The following UNC5C variants were observed in gnomAD, a reference collection of about 807,000 sequenced individuals.
UNC5C encodes netrin receptor UNC5C.
A neutral mutation model predicts 99.8 loss-of-function variants in UNC5C; 47 were observed. The ratio of observed to expected loss-of-function variants is 0.47; its 90% CI spans 0.37 to 0.60. The LOEUF (loss-of-function observed/expected upper bound fraction) is 0.60, where lower values mean the gene tolerates loss of function less well. Ranked by LOEUF, UNC5C falls within the 20% of genes least tolerant of loss-of-function variation. The pLI, the probability that UNC5C is intolerant of heterozygous loss-of-function variation, is 0.00. For synonymous variants in UNC5C, 487 were observed against 452.2 expected, an observed-to-expected ratio of 1.08 and a Z score of -0.98; for missense variants, 1,062 against 1,165.9, an observed-to-expected ratio of 0.91 and a Z score of 1.30.
At chr4:95,324,336 T>C (rs1035394754) in intron 2 of UNC5C, among the ~76,000 whole-genome samples, 5 of 152,196 alleles carry the variant, frequency 3.3e-5, no homozygotes, top group Non-Finnish European at 7.3e-5. Context: ...TGTCACTGTC[T>C]CCTATCACCC....
chr4:95,441,630 T>C (rs1746953374), intron 1 of UNC5C, among the ~76,000 whole-genome samples: 4 of 152,198 alleles, frequency 2.6e-5, no homozygotes, highest in Admixed American at 2.6e-4. Context: ...CACTGTTCTG[T>C]ATATGAATAT....
chr4:95,278,357 G>T lies in UNC5C; in HGVS notation c.496C>A (p.Arg166=), dbSNP rs762175329. 2 of 1,612,968 alleles carry T rather than the reference G, an allele frequency of 1.2e-6. No homozygotes were observed. Among genetic ancestry groups the T allele is most frequent in the African/African-American group, 1.3e-5 (1 of 74,864 alleles). The change falls in exon 4 of 16, where the codon CGG becomes AGG. Residue 166 remains arginine, a synonymous_variant. Transcript: ENST00000453304. The part of the protein sequence containing the change: ...RKAYVRIAYL[R]KTFEQEPLGK... ...AGGGGTTCCTGCTCAAATGTCTTCC[G>T]TAGATCTGGAACGTAAAAGTGACAA... is the stretch of plus-strand genomic sequence containing the variant.
intron 1 of UNC5C, among the ~76,000 whole-genome samples, chr4:95,387,812 C>A (rs1169302867): frequency 2.0e-5 from 3 of 152,002 alleles, no homozygotes; most frequent in Non-Finnish European, 4.4e-5. Flanking sequence ...CTTGTAATAA[C>A]CTGATTATTT....
chr4:95,339,253 C>T (rs1743465119), intron 1 of UNC5C, among the ~76,000 whole-genome samples: 1 of 151,978 alleles, frequency 6.6e-6, no homozygotes, highest in Non-Finnish European at 1.5e-5. Context: ...GTGTCTGTGG[C>T]CTTCCTTTGG....
chr4:95,457,414 A>G (rs1747470864), intron 1 of UNC5C, among the ~76,000 whole-genome samples: 1 of 152,094 alleles, frequency 6.6e-6, no homozygotes, highest in African/African-American at 2.4e-5. Context: ...CCATCTGCCA[A>G]ATTTTGCTTT....
At chr4:95,536,759 G>T (rs1265475151) in intron 1 of UNC5C, among the ~76,000 whole-genome samples, 1 of 152,158 alleles carries the variant, frequency 6.6e-6, no homozygotes, top group African/African-American at 2.4e-5. Flanking sequence ...AAAGCCCATG[G>T]CTTGAACTGA....
intron 5 of UNC5C, among the ~76,000 whole-genome samples, chr4:95,249,947 A>G (rs1739632834): frequency 1.3e-5 from 2 of 152,174 alleles, no homozygotes; most frequent in Admixed American, 1.3e-4. Flanking sequence ...GTTTGCAATG[A>G]TAAGACTGAG....
At chr4:95,529,827 C>T (rs1722597294) in intron 1 of UNC5C, among the ~76,000 whole-genome samples, 2 of 152,118 alleles carry the variant, frequency 1.3e-5, no homozygotes. Flanking sequence ...TGCCTAATGT[C>T]AGGCTTAGTT....
chr4:95,176,850 G>A lies in UNC5C; in HGVS notation c.2451+6047C>T, dbSNP rs945264543. 8.3e-4 allele frequency among the ~76,000 whole-genome samples: 126 copies of A among 152,326 alleles called. 1 individual carries two copies. The South Asian group carries it at 8.3e-3, about 10-fold the overall frequency. On this transcript the variant is annotated intron_variant, in intron 14 of 15. Coordinates refer to ENST00000453304, the MANE Select transcript of UNC5C (RefSeq NM_003728.4). Reference sequence around the variant, plus strand: ...GGGCCCCTCCCCCAGCCTCGCTGCCGCCTTGCAGTTTGATCTCAGACTGCT... The same window carrying A: ...GGGCCCCTCCCCCAGCCTCGCTGCCACCTTGCAGTTTGATCTCAGACTGCT...
In UNC5C at chr4:95,169,181, G is replaced by A; in HGVS notation, c.*53C>T. Reference sequence around the variant, plus strand: ...TCCTCAGCTGTGATTCACCTGGACGGCCACAGACTCCCTGTGCATTTTTGT... The same window carrying A: ...TCCTCAGCTGTGATTCACCTGGACGACCACAGACTCCCTGTGCATTTTTGT... On this transcript the variant is annotated 3_prime_UTR_variant, in exon 16 of 16. Coordinates refer to ENST00000453304, the MANE Select transcript of UNC5C (RefSeq NM_003728.4). The A allele has an allele frequency of 6.3e-7, 1 of 1,599,508 alleles. No homozygotes were observed. Among genetic ancestry groups the A allele is most frequent in the Admixed American group, 1.7e-5 (1 of 59,712 alleles).
chr4:95,370,780 C>T (rs991085706), intron 1 of UNC5C, among the ~76,000 whole-genome samples: 1 of 152,110 alleles, frequency 6.6e-6, no homozygotes, highest in African/African-American at 2.4e-5. Context: ...AAGACAACAG[C>T]ATCATAAGAA....
chr4:95,327,559 A>G (rs773080529), intron 2 of UNC5C, among the ~76,000 whole-genome samples: 2 of 152,054 alleles, frequency 1.3e-5, no homozygotes, highest in African/African-American at 2.4e-5. Flanking sequence ...TATCACACAC[A>G]GTGTTCTCTA....
chr4:95,391,216 C>T (rs1745350701), intron 1 of UNC5C, among the ~76,000 whole-genome samples: 1 of 152,158 alleles, frequency 6.6e-6, no homozygotes, highest in South Asian at 2.1e-4. Context: ...TACCCAGTCT[C>T]AGGTATTTCT....
At position 95,448,198 on chromosome 4, in the gene UNC5C, C is replaced by G. The variant is rs11931678; in HGVS notation, c.124+100536G>C. ...ATTCAAGTTTTGCTAATGTGTGTGT[C>G]TCTGTGTGTGTGTGTGTGTGTGTGT... On this transcript the variant is annotated intron_variant, in intron 1 of 15. Transcript: ENST00000453304. Among the ~76,000 whole-genome samples, 972 of 103,884 alleles carry G rather than the reference C, an allele frequency of 9.4e-3. 23 individuals are homozygous for G. The highest frequency in any genetic ancestry group is 0.028 in the African/African-American group (672 of 23,922). 68.2% of individuals were successfully genotyped at this position (103,884 alleles called of 152,430 possible). A position where few individuals can be genotyped will look rare whatever the true frequency, so the allele number is the denominator to read the frequency against.
At chr4:95,405,721 G>A (rs1745815303) in intron 1 of UNC5C, among the ~76,000 whole-genome samples, 1 of 152,176 alleles carries the variant, frequency 6.6e-6, no homozygotes, top group Non-Finnish European at 1.5e-5. Flanking sequence ...GGACAGAACC[G>A]AAGTCCAGGT....
intron 10 of UNC5C, among the ~76,000 whole-genome samples, chr4:95,210,489 A>G (rs1437675826): frequency 1.3e-5 from 2 of 152,186 alleles, no homozygotes; most frequent in East Asian, 3.9e-4. Flanking sequence ...CACATAGAAG[A>G]AAATAGCAGA....
intron 1 of UNC5C, among the ~76,000 whole-genome samples, chr4:95,341,638 C>T (rs1378774732): frequency 8.6e-5 from 13 of 151,986 alleles, no homozygotes. Flanking sequence ...GATTGTCCTC[C>T]CTGCAGGAAC....
At chr4:95,380,307 A>C (rs7659804) in intron 1 of UNC5C, among the ~76,000 whole-genome samples, 1 of 152,052 alleles carries the variant, frequency 6.6e-6, no homozygotes, top group Non-Finnish European at 1.5e-5. Context: ...AGTCAAGGTG[A>C]TCAGTTTACA....
intron 1 of UNC5C, among the ~76,000 whole-genome samples, chr4:95,442,920 C>G (rs1746994307): frequency 6.6e-6 from 1 of 151,932 alleles, no homozygotes; most frequent in Admixed American, 6.6e-5. Flanking sequence ...AATGGTAACG[C>G]TGGCAGATGT....
Sources: gnomAD v4.1 joint callset for allele counts (sites outside exome capture counted in the v4.1 genomes callset) on GRCh38, gnomAD v4.1.1 for gene constraint, MANE v1.5 for transcripts, NCBI Gene and HGNC (gene_info 2026-07-23, HGNC 2026-07-21) for gene names.